The following COBL variants were observed in gnomAD, a reference collection of about 807,000 sequenced individuals.
COBL encodes protein cordon-bleu.
COBL carries 51 observed loss-of-function variants against 98.8 expected under a neutral mutation model. The ratio of observed to expected loss-of-function variants is 0.52; its 90% CI spans 0.41 to 0.65. COBL has a LOEUF of 0.65. COBL is among the 30% of genes least tolerant of loss of function. The pLI is 0.00. For synonymous variants in COBL, 634 were observed against 651.7 expected, an observed-to-expected ratio of 0.97 and a Z score of 0.41; for missense variants, 1,617 against 1,617.5, an observed-to-expected ratio of 1.00 and a Z score of 0.01.
intron 7 of COBL, among the ~76,000 whole-genome samples, chr7:51,078,300 C>T (rs193033338): frequency 6.6e-6 from 1 of 152,306 alleles, no homozygotes; most frequent in African/African-American, 2.4e-5. Context: ...AAGAGATAGT[C>T]TCTCTTCCTC....
At chr7:51,094,397 T>C (rs1265539453) in intron 6 of COBL, among the ~76,000 whole-genome samples, 1 of 152,042 alleles carries the variant, frequency 6.6e-6, no homozygotes, top group Non-Finnish European at 1.5e-5. Context: ...CAAAAAAAAG[T>C]TAGTGAGGTA....
At chr7:51,268,458 T>C (rs555124293) in intron 1 of COBL, among the ~76,000 whole-genome samples, 24 of 152,232 alleles carry the variant, frequency 1.6e-4, no homozygotes, top group African/African-American at 5.5e-4. Context: ...TCAAAAAGTC[T>C]TTCCTACCAC....
At chr7:51,207,478 G>A (rs987988177) in intron 2 of COBL, among the ~76,000 whole-genome samples, 8 of 152,056 alleles carry the variant, frequency 5.3e-5, no homozygotes, top group African/African-American at 1.9e-4. Context: ...CTCTGATGCC[G>A]AGCCGAAGCA....
intron 6 of COBL, among the ~76,000 whole-genome samples, chr7:51,112,061 T>A (rs1796877230): frequency 1.3e-5 from 2 of 152,168 alleles, no homozygotes; most frequent in African/African-American, 4.8e-5. Context: ...CAGGCAATTT[T>A]CAGGTGGATG....
At chr7:51,160,408 C>T (rs115149219) in intron 5 of COBL, among the ~76,000 whole-genome samples, 2,346 of 152,246 alleles carry the variant, frequency 0.015, 67 homozygotes, top group African/African-American at 0.054. Flanking sequence ...ATAAAGTTGT[C>T]ATATCCTTTG....
chr7:51,142,383 A>ATTTTT (rs10608547), intron 5 of COBL, among the ~76,000 whole-genome samples: 2 of 71,416 alleles, frequency 2.8e-5, no homozygotes, highest in African/African-American at 9.7e-5. Flanking sequence ...CTGGTATTTG[A>ATTTTT]TTTTTTTTTT....
intron 1 of COBL, among the ~76,000 whole-genome samples, chr7:51,249,359 T>C (rs1796529259): frequency 6.6e-6 from 1 of 152,148 alleles, no homozygotes; most frequent in Admixed American, 6.5e-5. Flanking sequence ...AAATCTCTCA[T>C]CATCCTTCCC....
chr7:51,267,817 G>A lies in COBL; in HGVS notation c.42-47873C>T, dbSNP rs577160709. On this transcript the variant is annotated intron_variant, in intron 1 of 12. Transcript: ENST00000265136. ...TCAAATTCCTGACCACAAGTGATCC[G>A]CCTGCCTCAGCCTCCCAAAGTGCTG... is the stretch of plus-strand genomic sequence containing the variant. 7.4e-3 allele frequency among the ~76,000 whole-genome samples: 1,126 copies of A among 152,068 alleles called. 7 individuals carry two copies. Among genetic ancestry groups the A allele is most frequent in the Non-Finnish European group, 8.6e-3 (585 of 67,976 alleles).
In COBL at chr7:51,251,854, A is replaced by ATG. The variant is rs557461166; in HGVS notation, c.42-31912_42-31911dup. Among the ~76,000 whole-genome samples the ATG allele has an allele frequency of 6.6e-5, 10 of 152,150 alleles. No individual in the cohort carries two copies. In the East Asian group the frequency reaches 1.4e-3, roughly 21 times the overall value. ...ATTTTCCCTTTCTATGCATACTTGC[A>ATG]TGTGTATACACACACACACACACAA... On this transcript the variant is annotated intron_variant, in intron 1 of 12. Coordinates refer to ENST00000265136, the MANE Select transcript of COBL (RefSeq NM_015198.5).
At chr7:51,314,568 A>G (rs1803352021) in intron 1 of COBL, among the ~76,000 whole-genome samples, 1 of 152,216 alleles carries the variant, frequency 6.6e-6, no homozygotes. Flanking sequence ...ATCTCCTCAG[A>G]TTTGAACACA....
chr7:51,108,685 A>G (rs1008429361), intron 6 of COBL, among the ~76,000 whole-genome samples: 1 of 151,996 alleles, frequency 6.6e-6, no homozygotes, highest in African/African-American at 2.4e-5. Flanking sequence ...ATCTTACCCC[A>G]TAACTCAGAA....
At chr7:51,117,734 T>C (rs772147598) in intron 6 of COBL, among the ~76,000 whole-genome samples, 37 of 152,236 alleles carry the variant, frequency 2.4e-4, no homozygotes, top group East Asian at 3.8e-4. Context: ...TTCGAATAGG[T>C]CGCATTTTCC....
At chr7:51,082,629 A>T (rs6967022) in intron 7 of COBL, among the ~76,000 whole-genome samples, 1 of 152,154 alleles carries the variant, frequency 6.6e-6, no homozygotes, top group Non-Finnish European at 1.5e-5. Context: ...AGAGTTCCAC[A>T]GCTAACTTAC....
At chr7:51,220,413 G>A (rs1163253440) in intron 1 of COBL, among the ~76,000 whole-genome samples, 1 of 152,176 alleles carries the variant, frequency 6.6e-6, no homozygotes, top group African/African-American at 2.4e-5. Flanking sequence ...TGATCTCGAG[G>A]ATGTGTTGTG....
chr7:51,030,501 T>C (rs148461026), intron 9 of COBL, among the ~76,000 whole-genome samples: 1 of 152,340 alleles, frequency 6.6e-6, no homozygotes, highest in Non-Finnish European at 1.5e-5. Context: ...AATCTGTTTA[T>C]TTTTTGCGCC....
At position 51,136,286 on chromosome 7, in the gene COBL, G is replaced by C; in HGVS notation, c.829C>G (p.Leu277Val). The C allele has an allele frequency of 6.2e-7, 1 of 1,614,144 alleles. No homozygotes were observed. ...PNSPSMHSRS[L>V]TLGPSLSLGS... is the part of the protein sequence containing the mutation. Reference sequence around the variant, plus strand: ...AGCGAGAGGGATGGACCCAGCGTAAGAGAACGTGAGTGCATGGATGGGGAG... The same window carrying C: ...AGCGAGAGGGATGGACCCAGCGTAACAGAACGTGAGTGCATGGATGGGGAG... The change falls in exon 6 of 13, where the codon CTT (leucine) becomes GTT (valine). Residue 277 changes from leucine to valine, a missense_variant. This residue lies in a region of COBL where 1,304 missense variants were observed against 1,282.0 expected (regional missense o/e 1.02). Coordinates refer to ENST00000265136, the MANE Select transcript of COBL (RefSeq NM_015198.5).
At chr7:51,266,118 T>C (rs920046260) in intron 1 of COBL, among the ~76,000 whole-genome samples, 7 of 152,212 alleles carry the variant, frequency 4.6e-5, no homozygotes, top group Admixed American at 6.5e-5. Flanking sequence ...ACATTTTAAT[T>C]TTGTAAGAAA....
intron 5 of COBL, among the ~76,000 whole-genome samples, chr7:51,148,572 A>AT (rs1334002363): frequency 1.3e-5 from 2 of 152,164 alleles, no homozygotes; most frequent in Non-Finnish European, 2.9e-5. Context: ...CCTAGCTGCC[A>AT]TAAATGCCCT....
chr7:51,146,506 T>G (rs560212727), intron 5 of COBL, among the ~76,000 whole-genome samples: 52 of 152,244 alleles, frequency 3.4e-4, no homozygotes, highest in South Asian at 2.1e-3. Flanking sequence ...CCTTTCCTAT[T>G]TTCTAGCATG....
Sources: gnomAD v4.1 joint callset for allele counts (sites outside exome capture counted in the v4.1 genomes callset) on GRCh38, gnomAD v4.1.1 for gene constraint, gnomAD v4.1.1 regional missense constraint, MANE v1.5 for transcripts, NCBI Gene and HGNC (gene_info 2026-07-23, HGNC 2026-07-21) for gene names.